The following R3HCC1L variants were observed in gnomAD, a reference collection of about 807,000 sequenced individuals.
R3HCC1L encodes the protein R3H domain and coiled-coil containing 1 like, also known as coiled-coil domain-containing protein R3HCC1L.
R3HCC1L carries 51 observed loss-of-function variants against 59.9 expected under a neutral mutation model. The ratio of observed to expected loss-of-function variants is 0.85; its 90% CI spans 0.68 to 1.07. The LOEUF (loss-of-function observed/expected upper bound fraction) is 1.07. Ranked by LOEUF, R3HCC1L falls within the 50% of genes least tolerant of loss-of-function variation. R3HCC1L has a pLI of 0.00. For missense variants in R3HCC1L, 965 were observed against 933.0 expected (o/e 1.03, Z -0.45); for synonymous variants, 322 against 315.2 (o/e 1.02, Z -0.23).
intron 1 of R3HCC1L, among the ~76,000 whole-genome samples, chr10:98,139,378 G>A (rs1016413241): frequency 2.6e-5 from 4 of 152,172 alleles, no homozygotes; most frequent in African/African-American, 9.7e-5. Flanking sequence ...AGTAACCTAA[G>A]CTTATAATTT....
At chr10:98,234,366 CT>C (rs1248059347) in intron 6 of R3HCC1L, 79 bp from the exon 7 acceptor site, 24 of 1,265,908 alleles carry the variant, frequency 1.9e-5, no homozygotes, top group Non-Finnish European at 2.7e-5. Context: ...TTGTGAAATG[CT>C]TTATGAGATT....
At chr10:98,154,596 G>C (rs1257288226) in intron 1 of R3HCC1L, among the ~76,000 whole-genome samples, 2 of 151,262 alleles carry the variant, frequency 1.3e-5, no homozygotes, top group East Asian at 3.9e-4. Flanking sequence ...GTCAAACTTA[G>C]CCACATAGCC....
chr10:98,237,073 CG>C (rs1857045493), intron 9 of R3HCC1L, among the ~76,000 whole-genome samples: 1 of 152,178 alleles, frequency 6.6e-6, no homozygotes, highest in Non-Finnish European at 1.5e-5. Context: ...AGGCAGCTTG[CG>C]GACTCCCAGC....
intron 4 of R3HCC1L, among the ~76,000 whole-genome samples, chr10:98,174,008 T>C (rs1463087984): frequency 6.6e-6 from 1 of 152,218 alleles, no homozygotes; most frequent in Non-Finnish European, 1.5e-5. Flanking sequence ...AATACTGTAA[T>C]GGTTGCTTTT....
In R3HCC1L at chr10:98,183,958, G is replaced by GTTTT. The variant is rs71007380; in HGVS notation, c.-15+20573_-15+20576dup. Among the ~76,000 whole-genome samples, 1,103 of 126,534 alleles carry GTTTT rather than the reference G, an allele frequency of 8.7e-3. 27 individuals carry two copies. Among genetic ancestry groups the GTTTT allele is most frequent in the African/African-American group, 0.03 (984 of 33,340 alleles). 83.0% of individuals were successfully genotyped at this position (126,534 alleles called of 152,430 possible). A position where few individuals can be genotyped will look rare whatever the true frequency, so the allele number is the denominator to read the frequency against. On this transcript the variant is annotated intron_variant, in intron 4 of 9. Coordinates refer to ENST00000298999, the MANE Select transcript of R3HCC1L (RefSeq NM_001351015.2). ...TTTTTTTTTCTTTGCTCCTTTTTCG[G>GTTTT]TTTTTTTTTTTTTTTGGTTGAAATC...
In R3HCC1L at chr10:98,188,076, A is replaced by G. The variant is rs572177359; in HGVS notation, c.-14-20025A>G. On this transcript the variant is annotated intron_variant, in intron 4 of 9. Coordinates refer to ENST00000298999, the MANE Select transcript of R3HCC1L (RefSeq NM_001351015.2). Reference sequence around the variant, plus strand: ...TTCTTAATGTTGTTCAAGAATACACATACCTTTTACACACACACACACACA... The same window carrying G: ...TTCTTAATGTTGTTCAAGAATACACGTACCTTTTACACACACACACACACA... Among the ~76,000 whole-genome samples, 11 of 152,274 alleles carry G rather than the reference A, an allele frequency of 7.2e-5. No homozygotes were observed. The South Asian group carries it at 1.9e-3, about 26-fold the overall frequency.
chr10:98,193,395 CTG>C (rs1851073485), intron 4 of R3HCC1L, among the ~76,000 whole-genome samples: 2 of 151,972 alleles, frequency 1.3e-5, no homozygotes, highest in Non-Finnish European at 2.9e-5. Context: ...ATAAAAAAAA[CTG>C]TAAGAACTGT....
rs189366036 is a variant in R3HCC1L at position 98,228,409 on chromosome 10, C to T, written c.1786-3103C>T. On this transcript the variant is annotated intron_variant, in intron 5 of 9. Coordinates refer to ENST00000298999, the MANE Select transcript of R3HCC1L (RefSeq NM_001351015.2). ...TTGAGAAGCATCTGTTCATATCCTTCGCCCACTTGTTGATGGGGTTTTTGT... is the reference window on the plus strand; with the variant it reads ...TTGAGAAGCATCTGTTCATATCCTTTGCCCACTTGTTGATGGGGTTTTTGT... Among the ~76,000 whole-genome samples the T allele has an allele frequency of 9.6e-3, 1,455 of 152,220 alleles. 31 individuals are homozygous for T. Among genetic ancestry groups the T allele is most frequent in the African/African-American group, 0.034 (1,398 of 41,536 alleles).
At chr10:98,240,144 A>G (rs1400431594) in intron 9 of R3HCC1L, among the ~76,000 whole-genome samples, 1 of 152,130 alleles carries the variant, frequency 6.6e-6, no homozygotes, top group Non-Finnish European at 1.5e-5. Context: ...TGTCTCTACT[A>G]AAAATAGAAA....
intron 4 of R3HCC1L, among the ~76,000 whole-genome samples, chr10:98,194,940 A>G (rs1448803023): frequency 6.6e-6 from 1 of 152,154 alleles, no homozygotes; most frequent in East Asian, 1.9e-4. Flanking sequence ...TAGAACTATC[A>G]TATAAGCCAG....
At chr10:98,178,745 C>G (rs547276012) in intron 4 of R3HCC1L, among the ~76,000 whole-genome samples, 28 of 152,204 alleles carry the variant, frequency 1.8e-4, no homozygotes, top group African/African-American at 6.5e-4. Context: ...TCATTGAGCA[C>G]TGGTTTGTAG....
At chr10:98,240,330 A>T (rs1857395286) in intron 9 of R3HCC1L, among the ~76,000 whole-genome samples, 1 of 152,060 alleles carries the variant, frequency 6.6e-6, no homozygotes, top group South Asian at 2.1e-4. Context: ...CAAAATAAAG[A>T]CCAAACTCAG....
At chr10:98,188,986 A>G (rs1850538213) in intron 4 of R3HCC1L, among the ~76,000 whole-genome samples, 1 of 152,200 alleles carries the variant, frequency 6.6e-6, no homozygotes, top group African/African-American at 2.4e-5. Context: ...AAAATAGTCA[A>G]GTGAGTTGTC....
In R3HCC1L at chr10:98,168,401, G is replaced by A. The variant is rs529610424; in HGVS notation, c.-15+5004G>A. ...CCTATAAAGCGTGAAATCAGTTGGT[G>A]CTGATGCATGACGACTATAGCCAGT... is the stretch of plus-strand genomic sequence containing the variant. On this transcript the variant is annotated intron_variant, in intron 4 of 9. Coordinates refer to ENST00000298999, the MANE Select transcript of R3HCC1L (RefSeq NM_001351015.2). Among the ~76,000 whole-genome samples the A allele has an allele frequency of 5.3e-5, 8 of 152,304 alleles. No individual in the cohort carries two copies. The South Asian group carries it at 1.7e-3, about 32-fold the overall frequency.
intron 1 of R3HCC1L, among the ~76,000 whole-genome samples, chr10:98,136,101 C>A (rs1346851851): frequency 6.6e-6 from 1 of 151,758 alleles, no homozygotes; most frequent in East Asian, 1.9e-4. Flanking sequence ...GATCCTCCCG[C>A]CTCGACCTCC....
intron 1 of R3HCC1L, among the ~76,000 whole-genome samples, chr10:98,148,351 C>A (rs903684772): frequency 9.2e-5 from 14 of 152,050 alleles, no homozygotes; most frequent in African/African-American, 3.4e-4. Context: ...ATTGGACTTC[C>A]TCCTTTCCAA....
At chr10:98,140,983 C>G (rs1845078939) in intron 1 of R3HCC1L, among the ~76,000 whole-genome samples, 1 of 151,636 alleles carries the variant, frequency 6.6e-6, no homozygotes, top group African/African-American at 2.4e-5. Flanking sequence ...ATCTCACAAT[C>G]TAAACATAAC....
chr10:98,162,091 C>T (rs779944920), intron 2 of R3HCC1L, among the ~76,000 whole-genome samples: 31 of 151,722 alleles, frequency 2.0e-4, no homozygotes, highest in Non-Finnish European at 3.1e-4. Flanking sequence ...TTTAACTCCT[C>T]GATAAATTCT....
chr10:98,142,978 ACAG>A (rs1241227640), intron 1 of R3HCC1L, among the ~76,000 whole-genome samples: 1 of 152,044 alleles, frequency 6.6e-6, no homozygotes, highest in Non-Finnish European at 1.5e-5. Context: ...CAAAAAAAAA[ACAG>A]AAGAAGAAGA....
Sources: allele counts gnomAD v4.1 joint callset (sites outside exome capture counted in the v4.1 genomes callset), GRCh38; gene constraint gnomAD v4.1.1; transcripts MANE v1.5; gene names NCBI Gene and HGNC (gene_info 2026-07-23, HGNC 2026-07-21).